RALGAPB: variants seen among roughly 807,000 people sequenced by gnomAD.
RALGAPB encodes the protein ral GTPase-activating protein subunit beta.
In RALGAPB, 25 loss-of-function variants were observed where a neutral mutation model predicts 161.1. That is an observed-to-expected ratio of 0.16 (90% confidence interval 0.11 to 0.22). The LOEUF is 0.22. RALGAPB is among the 10% of genes least tolerant of loss of function. RALGAPB has a pLI of 1.00. For missense variants in RALGAPB, 1,391 were observed against 1,815.2 expected, an observed-to-expected ratio of 0.77 and a Z score of 4.25; for synonymous variants, 629 against 626.1, an observed-to-expected ratio of 1.00 and a Z score of -0.07.
Position 38,570,771 on chromosome 20 carries a change from A to G in RALGAPB, c.4066A>G (p.Asn1356Asp). 1 of 1,589,516 alleles carries G rather than the reference A, an allele frequency of 6.3e-7. No individual in the cohort carries two copies. Among genetic ancestry groups the G allele is most frequent in the Non-Finnish European group, 8.6e-7 (1 of 1,160,206 alleles). Residue 1356 changes from asparagine (N) to aspartate (D), a missense_variant and splice_region_variant, in exon 28 of 30, where the codon AAC (asparagine) becomes GAC (aspartate). Around this residue, in one of 3 missense-constraint regions of RALGAPB, gnomAD observed 436 missense variants for 527.0 expected, o/e 0.83. Coordinates refer to ENST00000262879, the MANE Select transcript of RALGAPB (RefSeq NM_020336.4). ...GTAATGCTATTATTTTCTTCCAGAA[A>G]ACTTTCCCCTCTCAGAGCTGATGAC... ...VWVERYDDIE[N>D]FPLSELMTEI...
chr20:38,488,273 GA>G (rs1320196406), intron 1 of RALGAPB, 129 bp from the exon 2 acceptor site: 3 of 577,204 alleles, frequency 5.2e-6, no homozygotes, highest in African/African-American at 3.7e-5. Flanking sequence ...CCCACAGTTT[GA>G]AAAACATTGA....
At chr20:38,476,260 C>T (rs2084799752) in intron 1 of RALGAPB, among the ~76,000 whole-genome samples, 1 of 152,198 alleles carries the variant, frequency 6.6e-6, no homozygotes, top group Non-Finnish European at 1.5e-5. Flanking sequence ...ACGAGGTACT[C>T]ATCAGTGTTA....
chr20:38,519,798 ATTAACTGT>A (rs923922631), intron 9 of RALGAPB, among the ~76,000 whole-genome samples: 1 of 152,268 alleles, frequency 6.6e-6, no homozygotes, highest in African/African-American at 2.4e-5. Flanking sequence ...GCATGGGTAT[ATTAACTGT>A]TTTTTAAGTA....
intron 2 of RALGAPB, among the ~76,000 whole-genome samples, chr20:38,492,518 G>A (rs2122890597): frequency 6.6e-6 from 1 of 152,148 alleles, no homozygotes; most frequent in South Asian, 2.1e-4. Context: ...TCTGGAGATG[G>A]AATGTGACTG....
intron 5 of RALGAPB, among the ~76,000 whole-genome samples, chr20:38,506,653 A>G (rs2085772063): frequency 6.6e-6 from 1 of 152,188 alleles, no homozygotes; most frequent in Non-Finnish European, 1.5e-5. Flanking sequence ...GTTGTCTTAC[A>G]GAGTGTTTCA....
In RALGAPB at chr20:38,517,946, G is replaced by A. The variant is rs1200963711; in HGVS notation, c.1363G>A (p.Ala455Thr). ...CTTTGGATCATGGTTATTTGATGCA[G>A]CATTTGTTCACTGTAAACTTCATAA... Reference protein sequence around the residue: ...NLFGSWLFDAAFVHCKLHNGI... With the variant: ...NLFGSWLFDATFVHCKLHNGI... Residue 455 changes from alanine (A) to threonine (T), a missense_variant, in exon 9 of 30, where the codon GCA becomes ACA. Physicochemically the swap from Ala to Thr is moderately conservative, Grantham distance 58. Transcript: ENST00000262879. 4 of 1,613,904 alleles carry A rather than the reference G, an allele frequency of 2.5e-6. No homozygotes were observed. Among genetic ancestry groups the A allele is most frequent in the Non-Finnish European group, 3.4e-6 (4 of 1,179,908 alleles).
intron 5 of RALGAPB, among the ~76,000 whole-genome samples, chr20:38,500,944 G>A (rs2085575064): frequency 6.6e-6 from 1 of 152,204 alleles, no homozygotes; most frequent in African/African-American, 2.4e-5. Context: ...GCTGCGAGAG[G>A]TGAGGAAGCT....
rs1382718868 is a variant in RALGAPB, at chr20:38,526,022, A to G, written c.2030A>G (p.Asn677Ser). Residue 677 changes from asparagine to serine, a missense_variant, in exon 13 of 30, where the codon AAC becomes AGC. By Grantham distance (46) the Asn-to-Ser change is conservative. Coordinates refer to ENST00000262879, the MANE Select transcript of RALGAPB (RefSeq NM_020336.4). ...GCCTTGCAAACTGAAACGGACCCCA[A>G]CAACACCCAAATGATATTAGGTTTG... ...IGALQTETDP[N>S]NTQMILGAML... is the part of the protein sequence containing the mutation. The G allele has an allele frequency of 9.3e-6, 15 of 1,613,776 alleles. No individual in the cohort carries two copies. The highest frequency in any genetic ancestry group is 8.0e-5 in the African/African-American group (6 of 74,928).
At chr20:38,498,069 C>CAAAAAA (rs11481813) in intron 4 of RALGAPB, among the ~76,000 whole-genome samples, 1 of 123,818 alleles carries the variant, frequency 8.1e-6, no homozygotes. Flanking sequence ...GACTCTGTCT[C>CAAAAAA]AAAAAAAAAA....
chr20:38,520,524 C>CTTTTTTT (rs775371608), intron 9 of RALGAPB, among the ~76,000 whole-genome samples: 2 of 70,320 alleles, frequency 2.8e-5, no homozygotes, highest in African/African-American at 1.2e-4. Context: ...TGTGTTTTGG[C>CTTTTTTT]TTTTTTTTTT....
At chr20:38,508,984 T>C in intron 5 of RALGAPB, 93 bp from the exon 6 acceptor site, 3 of 1,357,994 alleles carry the variant, frequency 2.2e-6, no homozygotes, top group Admixed American at 1.9e-5. Flanking sequence ...GAGGTACACA[T>C]GTTTCATCCA....
intron 3 of RALGAPB, among the ~76,000 whole-genome samples, chr20:38,496,275 A>C (rs1384792142): frequency 6.6e-6 from 1 of 152,192 alleles, no homozygotes; most frequent in Non-Finnish European, 1.5e-5. Context: ...CGTTTTCTGC[A>C]TCATAGCCCA....
chr20:38,523,015 A>G (rs913415614), intron 10 of RALGAPB, among the ~76,000 whole-genome samples: 2 of 152,176 alleles, frequency 1.3e-5, no homozygotes, highest in African/African-American at 4.8e-5. Context: ...TTAGCCGGGC[A>G]TGATGGCATT....
intron 16 of RALGAPB, among the ~76,000 whole-genome samples, chr20:38,535,442 A>C (rs2086775893): frequency 6.6e-6 from 1 of 152,244 alleles, no homozygotes; most frequent in East Asian, 1.9e-4. Flanking sequence ...AATTATAGGA[A>C]ACATTTCAAT....
At chr20:38,473,416 T>G (rs1453855729) in intron 1 of RALGAPB, among the ~76,000 whole-genome samples, 1 of 152,164 alleles carries the variant, frequency 6.6e-6, no homozygotes, top group Non-Finnish European at 1.5e-5. Flanking sequence ...TTAGGCAAGT[T>G]GCTGCCGCCC....
At chr20:38,543,057 G>A (rs754322586) in intron 18 of RALGAPB, among the ~76,000 whole-genome samples, 1 of 152,166 alleles carries the variant, frequency 6.6e-6, no homozygotes, top group African/African-American at 2.4e-5. Context: ...TGCTCAGGGT[G>A]AGTAGAGTCT....
intron 14 of RALGAPB, 102 bp downstream of exon 14, chr20:38,531,333 T>A (rs2086645126): frequency 1.0e-6 from 1 of 988,804 alleles, no homozygotes; most frequent in African/African-American, 1.7e-5. Context: ...GGCCTTTGGT[T>A]TGTAAATCCT....
chr20:38,475,604 A>G (rs1044014700), intron 1 of RALGAPB, among the ~76,000 whole-genome samples: 8 of 151,944 alleles, frequency 5.3e-5, no homozygotes, highest in African/African-American at 1.9e-4. Context: ...CACATTTCAT[A>G]AAATTTTTTT....
At chr20:38,484,174 T>A (rs1443636838) in intron 1 of RALGAPB, among the ~76,000 whole-genome samples, 1 of 151,930 alleles carries the variant, frequency 6.6e-6, no homozygotes, top group African/African-American at 2.4e-5. Context: ...TGAGACTCCA[T>A]CTCAAAAAAA....
Sources: gnomAD v4.1 joint callset for allele counts (sites outside exome capture counted in the v4.1 genomes callset) on GRCh38, gnomAD v4.1.1 for gene constraint, gnomAD v4.1.1 regional missense constraint, MANE v1.5 for transcripts, NCBI Gene and HGNC (gene_info 2026-07-23, HGNC 2026-07-21) for gene names.